Variants in SPATA13 observed in about 807,000 individuals in gnomAD.
The protein encoded by SPATA13 is spermatogenesis-associated protein 13.
Under a neutral mutation model 104.0 loss-of-function variants are expected in SPATA13, and 50 were observed. The observed-to-expected ratio is 0.48, with a 90% CI of 0.38 to 0.61. The LOEUF (loss-of-function observed/expected upper bound fraction) is 0.61. Among genes scored for constraint, SPATA13 ranks in the 20% least tolerant of loss-of-function variants. The pLI, the probability that SPATA13 is intolerant of heterozygous loss-of-function variation, is 0.00. For missense variants in SPATA13, 1,524 were observed against 1,690.6 expected (o/e 0.90, Z 1.73); for synonymous variants, 606 against 667.5 (o/e 0.91, Z 1.42).
intron 3 of SPATA13, among the ~76,000 whole-genome samples, chr13:24,136,394 T>G (rs2138450685): frequency 6.6e-6 from 1 of 152,224 alleles, no homozygotes; most frequent in East Asian, 1.9e-4. Context: ...GAGAACTGCT[T>G]GAACCCAGGA....
chr13:24,277,183 G>A (rs887281278), intron 4 of SPATA13, among the ~76,000 whole-genome samples: 7 of 152,014 alleles, frequency 4.6e-5, no homozygotes, highest in Non-Finnish European at 7.4e-5. Context: ...GGTGGCTTAC[G>A]CCTGTAATCC....
At chr13:24,053,583 C>G (rs75084673) in intron 3 of SPATA13, among the ~76,000 whole-genome samples, 1 of 152,024 alleles carries the variant, frequency 6.6e-6, no homozygotes, top group East Asian at 1.9e-4. Context: ...CCTGGGCCCA[C>G]GGTGGGAGTA....
At chr13:24,110,911 A>G (rs969096244) in intron 3 of SPATA13, among the ~76,000 whole-genome samples, 2 of 149,608 alleles carry the variant, frequency 1.3e-5, no homozygotes, top group African/African-American at 5.1e-5. Flanking sequence ...CATATTCTTG[A>G]TTATCTCTTT....
At chr13:24,100,942 G>T (rs1278019571) in intron 3 of SPATA13, among the ~76,000 whole-genome samples, 1 of 152,180 alleles carries the variant, frequency 6.6e-6, no homozygotes, top group Non-Finnish European at 1.5e-5. Context: ...GGGTTTTAGG[G>T]CATTGAAAAG....
chr13:24,282,857 C>T (rs1338618325), intron 4 of SPATA13, among the ~76,000 whole-genome samples: 1 of 152,182 alleles, frequency 6.6e-6, no homozygotes, highest in Non-Finnish European at 1.5e-5. Flanking sequence ...TGATTTAGGT[C>T]CCATGCCCAC....
At chr13:24,125,061 A>G (rs894839825) in intron 3 of SPATA13, among the ~76,000 whole-genome samples, 15 of 152,166 alleles carry the variant, frequency 9.9e-5, no homozygotes, top group South Asian at 6.2e-4. Flanking sequence ...ATTTCTCCCA[A>G]TGGCCCCATT....
intron 4 of SPATA13, among the ~76,000 whole-genome samples, chr13:24,256,786 T>C (rs551025442): frequency 6.6e-6 from 1 of 152,338 alleles, no homozygotes; most frequent in East Asian, 1.9e-4. Flanking sequence ...GGTGTGTTAT[T>C]TGGGATAATA....
At chr13:24,198,297 T>G (rs1310382609) in intron 1 of SPATA13, among the ~76,000 whole-genome samples, 1 of 152,258 alleles carries the variant, frequency 6.6e-6, no homozygotes, top group African/African-American at 2.4e-5. Context: ...CGAGCCACCT[T>G]GTTTTGTTTC....
chr13:24,291,000 C>T (rs1158437278), intron 9 of SPATA13, 116 bp downstream of exon 9: 5 of 779,094 alleles, frequency 6.4e-6, no homozygotes, highest in Non-Finnish European at 8.3e-6. Flanking sequence ...ACTTTGGGAG[C>T]TCCATGGGAG....
rs114108766 is a variant in SPATA13, at chr13:24,289,295, A to G, written c.2847+117A>G. ...TGTTTGTTTGCTAGATGAATCTTCC[A>G]TAGAAAGGAGATGTTTCTTCTATCT... On this transcript the variant is annotated intron_variant, in intron 8 of 12. Transcript: ENST00000382108. 1.8e-3 allele frequency: 1,449 copies of G among 816,566 alleles called. 11 individuals carry two copies. The African/African-American group carries it at 0.023, about 13-fold the overall frequency. 50.6% of individuals were successfully genotyped at this position (816,566 alleles called of 1,614,324 possible).
At chr13:23,996,694 A>G (rs1875711654) in intron 2 of SPATA13, among the ~76,000 whole-genome samples, 1 of 152,218 alleles carries the variant, frequency 6.6e-6, no homozygotes, top group Admixed American at 6.5e-5. Context: ...GTTACAGTTC[A>G]CTATGCACAA....
At chr13:24,188,066 C>A (rs764371580) in intron 1 of SPATA13, among the ~76,000 whole-genome samples, 1 of 152,146 alleles carries the variant, frequency 6.6e-6, no homozygotes, top group Non-Finnish European at 1.5e-5. Context: ...CCAGGCCAGG[C>A]GTGGTGGCTC....
intron 4 of SPATA13, among the ~76,000 whole-genome samples, chr13:24,256,506 T>G (rs978044470): frequency 6.6e-6 from 1 of 152,196 alleles, no homozygotes; most frequent in Admixed American, 6.5e-5. Flanking sequence ...CTCTCCAAAT[T>G]AAGTAGTATC....
At chr13:24,237,991 A>AAT (rs201481847) in intron 2 of SPATA13, among the ~76,000 whole-genome samples, 12,536 of 95,746 alleles carry the variant, frequency 0.13, 738 homozygotes, top group Non-Finnish European at 0.16. Flanking sequence ...AAACATGTAT[A>AAT]ATATATATAT....
intron 2 of SPATA13, among the ~76,000 whole-genome samples, chr13:24,013,165 A>G (rs1195123562): frequency 4.6e-5 from 7 of 152,228 alleles, no homozygotes; most frequent in Non-Finnish European, 4.4e-5. Flanking sequence ...TCCCACTGAA[A>G]CGGGCTTAGA....
chr13:24,160,375 A>G (rs2138482839), upstream of SPATA13, among the ~76,000 whole-genome samples: 1 of 152,198 alleles, frequency 6.6e-6, no homozygotes, highest in African/African-American at 2.4e-5. Context: ...CCTCCTGAGT[A>G]GCTGGGATCA....
chr13:24,041,655 A>AT lies in SPATA13; in HGVS notation c.-112+23955dup, dbSNP rs201406916. Among the ~76,000 whole-genome samples the AT allele has an allele frequency of 5.0e-3, 761 of 152,334 alleles. 4 individuals are homozygous for AT. Among genetic ancestry groups the AT allele is most frequent in the African/African-American group, 0.017 (705 of 41,568 alleles). ...TTTTCTTCTTAGTGGGAAAATATCT[A>AT]TCAGAAAGTAGAAAAGAAGGGAGGT... On this transcript the variant is annotated intron_variant, in intron 3 of 14. Transcript: ENST00000424834.
intron 2 of SPATA13, among the ~76,000 whole-genome samples, chr13:23,987,463 T>C (rs1042161833): frequency 6.6e-6 from 1 of 152,192 alleles, no homozygotes; most frequent in Admixed American, 6.5e-5. Context: ...TCATTACTCT[T>C]AGCTCTGGGA....
At chr13:24,145,932 A>C (rs927470959) in intron 3 of SPATA13, among the ~76,000 whole-genome samples, 2 of 152,120 alleles carry the variant, frequency 1.3e-5, no homozygotes, top group Non-Finnish European at 2.9e-5. Flanking sequence ...AAGAAGGGGG[A>C]CGAGCACTCC....
Sources: allele counts gnomAD v4.1 joint callset (sites outside exome capture counted in the v4.1 genomes callset), GRCh38; gene constraint gnomAD v4.1.1; transcripts MANE v1.5; gene names NCBI Gene and HGNC (gene_info 2026-07-23, HGNC 2026-07-21).